Variants in ERC1 observed in about 807,000 individuals in gnomAD.
The protein encoded by ERC1 is ELKS/RAB6-interacting/CAST family member 1.
Under a neutral mutation model 132.0 loss-of-function variants are expected in ERC1, and 56 were observed. The ratio of observed to expected loss-of-function variants is 0.42; its 90% CI spans 0.34 to 0.53. The LOEUF (loss-of-function observed/expected upper bound fraction) is 0.53. Ranked by LOEUF, ERC1 falls within the 20% of genes least tolerant of loss-of-function variation. The pLI is 0.03. For synonymous variants in ERC1, 478 were observed against 476.1 expected (o/e 1.00, Z -0.05); for missense variants, 1,202 against 1,349.9 (o/e 0.89, Z 1.72).
intron 12 of ERC1, among the ~76,000 whole-genome samples, chr12:1,227,671 C>G (rs1407614238): frequency 6.6e-6 from 1 of 152,144 alleles, no homozygotes; most frequent in African/African-American, 2.4e-5. Flanking sequence ...TCCCATTTGT[C>G]TATTCTTGCT....
intron 17 of ERC1, among the ~76,000 whole-genome samples, chr12:1,440,199 C>CTTTT (rs756177628): frequency 3.6e-4 from 47 of 128,802 alleles, no homozygotes; most frequent in Non-Finnish European, 5.1e-4. Context: ...CTTTCTTTCT[C>CTTTT]TTTTTTTTTT....
In ERC1 at chr12:1,494,474, C is replaced by T. The variant is rs767313883; in HGVS notation, c.*4244C>T. 30 of 231,946 alleles carry T rather than the reference C, an allele frequency of 1.3e-4. No homozygotes were observed. The highest frequency in any genetic ancestry group is 2.3e-4 in the Admixed American group (4 of 17,728). 14.4% of individuals were successfully genotyped at this position (231,946 alleles called of 1,614,324 possible). A position where few individuals can be genotyped will look rare whatever the true frequency, so the allele number is the denominator to read the frequency against. On this transcript the variant is annotated 3_prime_UTR_variant, in exon 19 of 19. Coordinates refer to ENST00000360905, the MANE Select transcript of ERC1 (RefSeq NM_178040.4). ...TTCTTGCAAGAAAAGACATACATTA[C>T]AGGGAAATCCTTCTGAACAAAATGG...
chr12:1,339,830 G>A (rs912893639), intron 15 of ERC1, among the ~76,000 whole-genome samples: 2 of 152,174 alleles, frequency 1.3e-5, no homozygotes, highest in Admixed American at 6.5e-5. Context: ...TTTCACTCCT[G>A]TGGCAGTGTT....
chr12:1,480,779 T>G, intron 18 of ERC1: 1 of 701,064 alleles, frequency 1.4e-6, no homozygotes, highest in Non-Finnish European at 2.6e-6. Flanking sequence ...CAAGAATATC[T>G]CGAGTAATAC....
intron 16 of ERC1, among the ~76,000 whole-genome samples, chr12:1,377,130 C>G (rs2088028553): frequency 6.6e-6 from 1 of 152,198 alleles, no homozygotes; most frequent in Non-Finnish European, 1.5e-5. Context: ...GAGTATTTCA[C>G]CGTTGCCCCA....
chr12:1,287,238 T>C (rs933731399), intron 14 of ERC1, among the ~76,000 whole-genome samples: 3 of 152,192 alleles, frequency 2.0e-5, no homozygotes, highest in African/African-American at 7.2e-5. Context: ...TCATACCATA[T>C]ACAAAAATGA....
Position 1,297,538 on chromosome 12 carries a change from CAAAA to C in ERC1, c.2780+7545_2780+7548del, listed in dbSNP as rs34023344. The stretch of plus-strand genomic sequence containing the variant: ...ACAACATGACGAAACCCTGTTTCTA[CAAAA>C]AAAAAAAAAAAAAAAAAATTAGCTG... On this transcript the variant is annotated intron_variant, in intron 15 of 18. Coordinates refer to ENST00000360905, the MANE Select transcript of ERC1 (RefSeq NM_178040.4). 6.2e-5 allele frequency among the ~76,000 whole-genome samples: 5 copies of C among 80,548 alleles called. No homozygotes were observed. In the South Asian group the frequency reaches 1.9e-3, roughly 31 times the overall value. The allele number at this position is 80,548 out of a possible 152,430, so 52.8% of individuals were successfully genotyped here.
At chr12:1,009,385 A>G (rs919359778) in intron 1 of ERC1, among the ~76,000 whole-genome samples, 16 of 152,124 alleles carry the variant, frequency 1.1e-4, no homozygotes, top group Non-Finnish European at 1.9e-4. Context: ...CGTGTTAGCC[A>G]GGATGGTCTT....
At chr12:1,474,855 T>C (rs896961583) in intron 18 of ERC1, among the ~76,000 whole-genome samples, 2 of 152,320 alleles carry the variant, frequency 1.3e-5, no homozygotes, top group Admixed American at 1.3e-4. Context: ...TCCGTTCGTT[T>C]CTTCCCTGCA....
intron 8 of ERC1, among the ~76,000 whole-genome samples, chr12:1,148,212 C>G (rs1250263664): frequency 5.3e-5 from 8 of 152,174 alleles, no homozygotes. Context: ...CATTTTCACA[C>G]TGCTATAAAG....
At chr12:1,191,291 C>G (rs376541781) in intron 12 of ERC1, among the ~76,000 whole-genome samples, 2 of 152,026 alleles carry the variant, frequency 1.3e-5, no homozygotes, top group East Asian at 3.9e-4. Flanking sequence ...TGCACCCTTC[C>G]CCACAACACA....
chr12:1,288,806 T>C (rs2079210984), intron 14 of ERC1, among the ~76,000 whole-genome samples: 3 of 152,216 alleles, frequency 2.0e-5, no homozygotes, highest in Non-Finnish European at 4.4e-5. Flanking sequence ...CATAAAGTCT[T>C]GTAATTGATG....
At chr12:1,257,366 C>T (rs573326537) in intron 13 of ERC1, 1 of 152,304 alleles carries the variant, frequency 6.6e-6, no homozygotes, top group Admixed American at 6.5e-5. Flanking sequence ...GTGAGATAAT[C>T]AGTATTCACT....
intron 2 of ERC1, among the ~76,000 whole-genome samples, chr12:1,067,114 TAA>T (rs1939359529): frequency 6.6e-6 from 1 of 152,156 alleles, no homozygotes; most frequent in Non-Finnish European, 1.5e-5. Context: ...GGCCAAAACA[TAA>T]GTTTTATGAT....
chr12:1,039,014 G>A (rs939561865), intron 2 of ERC1, among the ~76,000 whole-genome samples: 3 of 151,758 alleles, frequency 2.0e-5, no homozygotes, highest in Admixed American at 2.0e-4. Flanking sequence ...GACCAGCCTC[G>A]GCAAAATAGT....
chr12:1,073,351 C>A (rs1227022606), intron 2 of ERC1, among the ~76,000 whole-genome samples: 1 of 151,794 alleles, frequency 6.6e-6, no homozygotes, highest in Non-Finnish European at 1.5e-5. Flanking sequence ...AAAATATACA[C>A]AAGATATAAG....
intron 12 of ERC1, among the ~76,000 whole-genome samples, chr12:1,221,490 C>T (rs1303799612): frequency 6.6e-6 from 1 of 152,176 alleles, no homozygotes; most frequent in Non-Finnish European, 1.5e-5. Context: ...AGTATTTTTG[C>T]AGAAGTTAAA....
At chr12:1,330,567 A>C (rs1009218887) in intron 15 of ERC1, among the ~76,000 whole-genome samples, 5 of 152,098 alleles carry the variant, frequency 3.3e-5, no homozygotes, top group Admixed American at 6.6e-5. Context: ...GTGACATGTA[A>C]AATAAGGTTA....
At chr12:1,095,074 C>A (rs563962471) in intron 3 of ERC1, among the ~76,000 whole-genome samples, 1 of 152,132 alleles carries the variant, frequency 6.6e-6, no homozygotes, top group African/African-American at 2.4e-5. Flanking sequence ...TTCTTTCTCT[C>A]AGGTGTGCAA....
Sources: allele counts gnomAD v4.1 joint callset (sites outside exome capture counted in the v4.1 genomes callset), GRCh38; gene constraint gnomAD v4.1.1; transcripts MANE v1.5; gene names NCBI Gene and HGNC (gene_info 2026-07-23, HGNC 2026-07-21).